The following CACHD1 variants were observed in gnomAD, a reference collection of about 807,000 sequenced individuals.
The protein encoded by CACHD1 is VWFA and cache domain-containing protein 1.
Under a neutral mutation model 138.7 loss-of-function variants are expected in CACHD1, and 71 were observed. That is an observed-to-expected ratio of 0.51 (90% CI 0.42 to 0.62). The LOEUF is 0.62. Among genes scored for constraint, CACHD1 ranks in the 20% least tolerant of loss-of-function variants. The pLI is 0.00. For synonymous variants in CACHD1, 578 were observed against 591.5 expected, an observed-to-expected ratio of 0.98 and a Z score of 0.33; for missense variants, 1,389 against 1,625.3, an observed-to-expected ratio of 0.85 and a Z score of 2.50.
At chr1:64,557,221 G>A (rs571530694) in intron 2 of CACHD1, among the ~76,000 whole-genome samples, 11 of 152,084 alleles carry the variant, frequency 7.2e-5, no homozygotes, top group African/African-American at 2.7e-4. Flanking sequence ...GCCTCAGAAA[G>A]TAGCAAAATA....
intron 2 of CACHD1, among the ~76,000 whole-genome samples, chr1:64,564,512 A>G (rs2100492903): frequency 6.6e-6 from 1 of 152,222 alleles, no homozygotes. Context: ...ATGTAATTAA[A>G]TATTTACATA....
intron 5 of CACHD1, among the ~76,000 whole-genome samples, chr1:64,631,112 A>G (rs571788283): frequency 7.9e-5 from 12 of 152,338 alleles, no homozygotes; most frequent in Admixed American, 3.3e-4. Context: ...TGTACATTTA[A>G]CATCACTATT....
chr1:64,479,187 A>T (rs1193991095), intron 1 of CACHD1, among the ~76,000 whole-genome samples: 2 of 152,184 alleles, frequency 1.3e-5, no homozygotes, highest in East Asian at 3.9e-4. Context: ...TCTAGAATGG[A>T]TTGCTTTGAG....
chr1:64,663,875 C>T, intron 14 of CACHD1, 38 bp downstream of exon 14: 1 of 1,612,842 alleles, frequency 6.2e-7, no homozygotes. Flanking sequence ...TGGTGTCCCC[C>T]TCCACAGGCC....
At chr1:64,649,594 A>G (rs1177451369) in intron 9 of CACHD1, among the ~76,000 whole-genome samples, 1 of 152,214 alleles carries the variant, frequency 6.6e-6, no homozygotes, top group Non-Finnish European at 1.5e-5. Context: ...AAGACAAATC[A>G]GTAATTCCCG....
chr1:64,543,402 C>CATATATAT (rs140966471), intron 1 of CACHD1, among the ~76,000 whole-genome samples: 3,108 of 126,748 alleles, frequency 0.025, 77 homozygotes, highest in African/African-American at 0.047. Context: ...AAAAAAAATA[C>CATATATAT]ATATATATAT....
intron 2 of CACHD1, among the ~76,000 whole-genome samples, chr1:64,558,787 TAAAC>T (rs1646817472): frequency 6.6e-6 from 1 of 152,070 alleles, no homozygotes; most frequent in South Asian, 2.1e-4. Flanking sequence ...ATAAGGAACT[TAAAC>T]AAATTTACAA....
intron 3 of CACHD1, among the ~76,000 whole-genome samples, chr1:64,584,655 A>C (rs1407662422): frequency 1.2e-4 from 18 of 152,102 alleles, no homozygotes; most frequent in Admixed American, 5.2e-4. Flanking sequence ...TTAATGTATC[A>C]GACCTTGTTG....
At chr1:64,658,648 C>T (rs1649340668) in intron 12 of CACHD1, 57 bp from the exon 13 acceptor site, 1 of 1,364,056 alleles carries the variant, frequency 7.3e-7, no homozygotes, top group African/African-American at 1.4e-5. Context: ...ATGCAAAGTC[C>T]CTGTCCCCAT....
At chr1:64,597,107 G>A (rs1570402227) in intron 3 of CACHD1, among the ~76,000 whole-genome samples, 1 of 151,950 alleles carries the variant, frequency 6.6e-6, no homozygotes, top group African/African-American at 2.4e-5. Flanking sequence ...GAGGGGAGGC[G>A]GGGTCTTTAT....
intron 3 of CACHD1, among the ~76,000 whole-genome samples, chr1:64,600,045 A>T (rs573787826): frequency 1.3e-5 from 2 of 152,244 alleles, no homozygotes; most frequent in African/African-American, 4.8e-5. Context: ...AGTCTCTCTT[A>T]GGTCCCTGAC....
At chr1:64,620,438 A>G (rs1388575915) in intron 4 of CACHD1, among the ~76,000 whole-genome samples, 2 of 152,190 alleles carry the variant, frequency 1.3e-5, no homozygotes, top group Non-Finnish European at 2.9e-5. Context: ...ATCCCCTCCT[A>G]AGGGGTTCAC....
At chr1:64,572,899 A>G (rs546216410) in intron 2 of CACHD1, among the ~76,000 whole-genome samples, 1 of 152,296 alleles carries the variant, frequency 6.6e-6, no homozygotes, top group Admixed American at 6.5e-5. Context: ...GCCAGTGGAA[A>G]TTCAGACTGG....
chr1:64,688,460 G>A (rs940730476), intron 26 of CACHD1, among the ~76,000 whole-genome samples: 5 of 151,988 alleles, frequency 3.3e-5, no homozygotes, highest in Non-Finnish European at 7.4e-5. Flanking sequence ...TAGAAACCTC[G>A]ACCTTTTCCA....
chr1:64,621,507 A>G (rs906532221), intron 4 of CACHD1, among the ~76,000 whole-genome samples: 2 of 152,206 alleles, frequency 1.3e-5, no homozygotes, highest in Non-Finnish European at 1.5e-5. Flanking sequence ...TACTAAACAC[A>G]TAGCTACATA....
At chr1:64,573,029 A>G (rs1646938310) in intron 2 of CACHD1, among the ~76,000 whole-genome samples, 1 of 152,194 alleles carries the variant, frequency 6.6e-6, no homozygotes, top group Admixed American at 6.5e-5. Flanking sequence ...CAGCCATATC[A>G]TGACAGCGGC....
At position 64,679,675 on chromosome 1, in the gene CACHD1, G is replaced by T; in HGVS notation, c.3325G>T (p.Val1109Phe). ...VAGGIMGCIMVLVLAVYAYRH... is the reference protein window; with the variant it reads ...VAGGIMGCIMFLVLAVYAYRH... ...TGGAGGGATCATGGGATGCATCATG[G>T]TCTTGGTCCTGGCGGTGTATGCCTA... Residue 1109 changes from valine (V) to phenylalanine (F), a missense_variant, in exon 24 of 27, where the codon GTC (valine) becomes TTC (phenylalanine). Physicochemically the swap from Val to Phe is conservative, Grantham distance 50. Around this residue, in one of 5 missense-constraint regions of CACHD1, gnomAD observed 250 missense variants for 292.9 expected, o/e 0.85. Transcript: ENST00000651257. The T allele has an allele frequency of 6.2e-7, 1 of 1,614,182 alleles. No homozygotes were observed. Among genetic ancestry groups the T allele is most frequent in the Non-Finnish European group, 8.5e-7 (1 of 1,180,028 alleles).
At chr1:64,552,659 A>G (rs1012081431) in intron 2 of CACHD1, among the ~76,000 whole-genome samples, 1 of 151,866 alleles carries the variant, frequency 6.6e-6, no homozygotes, top group African/African-American at 2.4e-5. Flanking sequence ...TGTTGTTTTT[A>G]GTAAAGATGA....
intron 26 of CACHD1, among the ~76,000 whole-genome samples, chr1:64,686,748 T>A (rs1001415900): frequency 7.9e-5 from 12 of 152,258 alleles, no homozygotes; most frequent in Non-Finnish European, 1.2e-4. Context: ...TAAGTGTATA[T>A]TAGGCAACAT....
Sources: allele counts gnomAD v4.1 joint callset (sites outside exome capture counted in the v4.1 genomes callset), GRCh38; gene constraint gnomAD v4.1.1; regional missense constraint gnomAD v4.1.1; transcripts MANE v1.5; gene names NCBI Gene and HGNC (gene_info 2026-07-23, HGNC 2026-07-21).